The following PRSS12 variants were observed in gnomAD, a reference collection of about 807,000 sequenced individuals.
PRSS12 encodes the protein neurotrypsin.
Under a neutral mutation model 104.4 loss-of-function variants are expected in PRSS12, and 85 were observed. That is an observed-to-expected ratio of 0.81 (90% CI 0.68 to 0.98). The LOEUF is 0.98. Ranked by LOEUF, PRSS12 falls within the 50% of genes least tolerant of loss-of-function variation. The probability of loss-of-function intolerance (pLI) is 0.00; values close to 1 mark genes in which losing one functional copy is unlikely to be tolerated. For synonymous variants in PRSS12, 454 were observed against 425.2 expected (o/e 1.07, Z -0.83); for missense variants, 1,141 against 1,139.2 (o/e 1.00, Z -0.02).
chr4:118,320,252 T>C (rs188855216), intron 4 of PRSS12, among the ~76,000 whole-genome samples: 1 of 152,268 alleles, frequency 6.6e-6, no homozygotes, highest in Admixed American at 6.5e-5. Flanking sequence ...TATAACATTA[T>C]AACTTGAGAA....
At chr4:118,318,595 A>G in intron 4 of PRSS12, 39 bp from the exon 5 acceptor site, 3 of 1,592,638 alleles carry the variant, frequency 1.9e-6, no homozygotes, top group Non-Finnish European at 2.6e-6. Flanking sequence ...TGGATTAGAT[A>G]CCAAAGATTG....
At chr4:118,337,574 C>CTAA (rs1388452692) in intron 2 of PRSS12, among the ~76,000 whole-genome samples, 3 of 152,034 alleles carry the variant, frequency 2.0e-5, no homozygotes, top group Non-Finnish European at 4.4e-5. Flanking sequence ...CAGGACACTG[C>CTAA]CAGAGCTAAC....
chr4:118,331,261 T>C (rs939459770), intron 4 of PRSS12, among the ~76,000 whole-genome samples: 2 of 152,206 alleles, frequency 1.3e-5, no homozygotes, highest in Non-Finnish European at 2.9e-5. Flanking sequence ...TACAGGGGAA[T>C]TATCTCCTTT....
At chr4:118,334,929 G>T (rs1724023261) in intron 3 of PRSS12, among the ~76,000 whole-genome samples, 1 of 152,082 alleles carries the variant, frequency 6.6e-6, no homozygotes, top group African/African-American at 2.4e-5. Flanking sequence ...AAACATATCT[G>T]TACACTGAAC....
At chr4:118,315,861 A>G (rs542337862) in intron 6 of PRSS12, among the ~76,000 whole-genome samples, 1 of 152,346 alleles carries the variant, frequency 6.6e-6, no homozygotes, top group Non-Finnish European at 1.5e-5. Context: ...AAAACATCCA[A>G]TAGTAATGAC....
At chr4:118,321,312 T>C (rs1414137051) in intron 4 of PRSS12, among the ~76,000 whole-genome samples, 1 of 152,356 alleles carries the variant, frequency 6.6e-6, no homozygotes, top group South Asian at 2.1e-4. Context: ...AGTATGTCTA[T>C]ATGCCTAGAG....
chr4:118,350,212 CTAAGAGT>C (rs1560790203), intron 1 of PRSS12, among the ~76,000 whole-genome samples: 1 of 152,174 alleles, frequency 6.6e-6, no homozygotes, highest in African/African-American at 2.4e-5. Flanking sequence ...AACCAAAGCT[CTAAGAGT>C]TAAGAGTCTT....
chr4:118,305,087 T>C (rs955239916), intron 8 of PRSS12, among the ~76,000 whole-genome samples: 7 of 149,980 alleles, frequency 4.7e-5, no homozygotes, highest in Non-Finnish European at 8.9e-5. Flanking sequence ...ACTAGTCACA[T>C]ACCTGTTTAT....
rs148007619 is a variant in PRSS12, at chr4:118,352,702, C to A, written c.19G>T (p.Val7Leu). MTLARF[V>L]LALMLGALPE... Reference sequence around the variant, plus strand: ...AGCGCCCCTAACATCAGGGCTAGCACGAAGCGGGCGAGCGTCATGGTGCCA... The same window carrying A: ...AGCGCCCCTAACATCAGGGCTAGCAAGAAGCGGGCGAGCGTCATGGTGCCA... Residue 7 changes from valine (V) to leucine (L), a missense_variant, in exon 1 of 13, where the codon GTG becomes TTG. Transcript: ENST00000296498. 1 of 1,612,552 alleles carries A rather than the reference C, an allele frequency of 6.2e-7. No individual in the cohort carries two copies. The highest frequency in any genetic ancestry group is 8.5e-7 in the Non-Finnish European group (1 of 1,179,202).
chr4:118,281,552 ATGTC>A lies in PRSS12; in HGVS notation c.*380_*383del. The stretch of plus-strand genomic sequence containing the variant: ...GAGTGTAGTAAAGGGTACCGCATTT[ATGTC>A]AAATGTGGGTATTTAATATGATTTC... On this transcript the variant is annotated 3_prime_UTR_variant, in exon 13 of 13. Transcript: ENST00000296498. The A allele has an allele frequency of 4.8e-5, 14 of 292,702 alleles. No individual in the cohort carries two copies. The highest frequency in any genetic ancestry group is 8.3e-5 in the East Asian group (1 of 12,068). 18.1% of individuals were successfully genotyped at this position (292,702 alleles called of 1,614,324 possible). A position where few individuals can be genotyped will look rare whatever the true frequency, so the allele number is the denominator to read the frequency against.
At chr4:118,284,393 C>G (rs1406408134) in intron 11 of PRSS12, among the ~76,000 whole-genome samples, 1 of 152,226 alleles carries the variant, frequency 6.6e-6, no homozygotes, top group African/African-American at 2.4e-5. Flanking sequence ...GAGCTCCATG[C>G]TCATTGCATT....
At chr4:118,308,601 A>G (rs1743620225) in intron 7 of PRSS12, 24 bp from the exon 8 acceptor site, 2 of 1,612,818 alleles carry the variant, frequency 1.2e-6, no homozygotes, top group African/African-American at 2.7e-5. Context: ...CAAAAGTATT[A>G]GAACAGCCCA....
intron 4 of PRSS12, among the ~76,000 whole-genome samples, 167 bp downstream of exon 4, chr4:118,331,549 C>T (rs1010767260): frequency 2.6e-5 from 4 of 152,178 alleles, no homozygotes; most frequent in African/African-American, 7.2e-5. Context: ...CTACAGAGTA[C>T]ACGTTAACTG....
intron 1 of PRSS12, among the ~76,000 whole-genome samples, chr4:118,343,296 A>T (rs1724263056): frequency 6.6e-6 from 1 of 151,954 alleles, no homozygotes; most frequent in African/African-American, 2.4e-5. Flanking sequence ...TCAGGCTACT[A>T]AGGCGGAAGG....
At chr4:118,352,058 C>T (rs1041656140) in intron 1 of PRSS12, among the ~76,000 whole-genome samples, 161 bp downstream of exon 1, 3 of 152,134 alleles carry the variant, frequency 2.0e-5, no homozygotes, top group Admixed American at 2.0e-4. Flanking sequence ...ACCAGTATAC[C>T]TTACTGGTAA....
intron 7 of PRSS12, 125 bp from the exon 8 acceptor site, chr4:118,308,702 T>C (rs1268184693): frequency 1.5e-6 from 2 of 1,326,576 alleles, no homozygotes; most frequent in East Asian, 2.4e-5. Flanking sequence ...AAATACTTTT[T>C]TGAGAGAGAG....
chr4:118,314,852 A>G (rs964822352), intron 6 of PRSS12, among the ~76,000 whole-genome samples: 3 of 152,082 alleles, frequency 2.0e-5, no homozygotes, highest in African/African-American at 7.2e-5. Context: ...GGATTTATGA[A>G]TCTCTCTAAA....
chr4:118,302,522 G>A (rs1464884176), intron 8 of PRSS12, among the ~76,000 whole-genome samples: 2 of 152,184 alleles, frequency 1.3e-5, no homozygotes, highest in Non-Finnish European at 2.9e-5. Context: ...TCCCTTCTTG[G>A]TTCAAGCGAT....
chr4:118,332,424 T>C (rs1193396230), intron 3 of PRSS12, among the ~76,000 whole-genome samples: 1 of 152,198 alleles, frequency 6.6e-6, no homozygotes, highest in Non-Finnish European at 1.5e-5. Context: ...AATCAGCTCA[T>C]ATCCGTTTTC....
Sources: allele counts gnomAD v4.1 joint callset (sites outside exome capture counted in the v4.1 genomes callset), GRCh38; gene constraint gnomAD v4.1.1; transcripts MANE v1.5; gene names NCBI Gene and HGNC (gene_info 2026-07-23, HGNC 2026-07-21).